PDZRN4: variants seen among roughly 807,000 people sequenced by gnomAD.
The protein encoded by PDZRN4 is PDZ domain-containing RING finger protein 4.
Under a neutral mutation model 99.0 loss-of-function variants are expected in PDZRN4, and 70 were observed. The observed-to-expected ratio is 0.71, with a 90% CI of 0.58 to 0.86. PDZRN4 has a LOEUF of 0.86. Among genes scored for constraint, PDZRN4 ranks in the 40% least tolerant of loss-of-function variants. PDZRN4 has a pLI of 0.00. For synonymous variants in PDZRN4, 551 were observed against 501.6 expected, an observed-to-expected ratio of 1.10 and a Z score of -1.32; for missense variants, 1,474 against 1,331.2, an observed-to-expected ratio of 1.11 and a Z score of -1.67.
rs566878300 is a variant in PDZRN4, at chr12:41,426,495, G to A, written c.844-79961G>A. ...AATGAAGTGGGTCCTCATGGGAAGA[G>A]TATATCTTATTGAAAAAGGCATGAT... On this transcript the variant is annotated intron_variant, in intron 3 of 9. Transcript: ENST00000402685. Among the ~76,000 whole-genome samples, 63 of 152,262 alleles carry A rather than the reference G, an allele frequency of 4.1e-4. No homozygotes were observed. In the South Asian group the frequency reaches 0.012, roughly 29 times the overall value.
At chr12:41,306,356 C>G (rs541979535) in intron 3 of PDZRN4, among the ~76,000 whole-genome samples, 1 of 152,270 alleles carries the variant, frequency 6.6e-6, no homozygotes, top group African/African-American at 2.4e-5. Context: ...CTCTGAATTG[C>G]CTTTGGGGCC....
At chr12:41,541,063 T>C (rs1476404921) in intron 5 of PDZRN4, among the ~76,000 whole-genome samples, 2 of 152,074 alleles carry the variant, frequency 1.3e-5, no homozygotes, top group Admixed American at 6.5e-5. Context: ...TAGCTGGGAC[T>C]ACAGGCACCC....
At chr12:41,215,222 T>G (rs1488331741) in intron 3 of PDZRN4, among the ~76,000 whole-genome samples, 1 of 152,052 alleles carries the variant, frequency 6.6e-6, no homozygotes, top group African/African-American at 2.4e-5. Context: ...AAGGAATGGC[T>G]TAGAAAAATG....
chr12:41,477,259 T>G (rs887657784), intron 3 of PDZRN4, among the ~76,000 whole-genome samples: 2 of 152,336 alleles, frequency 1.3e-5, no homozygotes, highest in South Asian at 2.1e-4. Flanking sequence ...GCATCCTACA[T>G]CAGGCTGCCT....
At chr12:41,429,446 C>T (rs1952566854) in intron 3 of PDZRN4, among the ~76,000 whole-genome samples, 1 of 152,164 alleles carries the variant, frequency 6.6e-6, no homozygotes, top group African/African-American at 2.4e-5. Flanking sequence ...AACAGGGAAC[C>T]TGGAAGTTAA....
rs747032782 is a variant in PDZRN4, at chr12:41,325,768, A to AT, written c.843+131584dup. On this transcript the variant is annotated intron_variant, in intron 3 of 9. Transcript: ENST00000402685. ...GTCAGAGTGATTAAAAAACACATTTATTTTAGCAAACAAGCATTATTCCCA... is the reference window on the plus strand; with the variant it reads ...GTCAGAGTGATTAAAAAACACATTTATTTTTAGCAAACAAGCATTATTCCCA... 2.8e-4 allele frequency among the ~76,000 whole-genome samples: 42 copies of AT among 152,272 alleles called. No individual in the cohort carries two copies. In the Middle Eastern group the frequency reaches 0.01, roughly 37 times the overall value.
At chr12:41,503,695 C>CA (rs1938150841) in intron 3 of PDZRN4, among the ~76,000 whole-genome samples, 1 of 152,092 alleles carries the variant, frequency 6.6e-6, no homozygotes, top group South Asian at 2.1e-4. Context: ...ACTAGATTAA[C>CA]ATGTAAGGCT....
intron 3 of PDZRN4, among the ~76,000 whole-genome samples, chr12:41,344,133 A>T (rs1951836592): frequency 1.3e-5 from 2 of 152,104 alleles, no homozygotes; most frequent in Non-Finnish European, 2.9e-5. Context: ...AAATAAGTTG[A>T]TTATATCATT....
chr12:41,348,856 T>G (rs1951872692), intron 3 of PDZRN4, among the ~76,000 whole-genome samples: 1 of 152,052 alleles, frequency 6.6e-6, no homozygotes, highest in Non-Finnish European at 1.5e-5. Context: ...TTTCTATTTG[T>G]CAAGTTTTGG....
intron 3 of PDZRN4, among the ~76,000 whole-genome samples, chr12:41,202,007 T>G (rs1950819540): frequency 1.3e-5 from 2 of 152,176 alleles, no homozygotes; most frequent in Admixed American, 6.6e-5. Context: ...AGAATTTACA[T>G]GCTTGCCTGC....
At chr12:41,251,716 C>T (rs1327619806) in intron 3 of PDZRN4, among the ~76,000 whole-genome samples, 1 of 152,142 alleles carries the variant, frequency 6.6e-6, no homozygotes, top group Non-Finnish European at 1.5e-5. Flanking sequence ...ATCTCATTCC[C>T]CTCTTACCTG....
chr12:41,197,920 G>GTTTTTTTTTTTTTTTTTTTTTTTTTTT (rs533696414), intron 3 of PDZRN4, among the ~76,000 whole-genome samples: 9 of 115,610 alleles, frequency 7.8e-5, no homozygotes, highest in Non-Finnish European at 1.2e-4. Flanking sequence ...TTTTTTCTGG[G>GTTTTTTTTTTTTTTTTTTTTTTTTTTT]TTTTTTTTTT....
At chr12:41,197,119 T>G (rs1950778475) in intron 3 of PDZRN4, among the ~76,000 whole-genome samples, 2 of 152,118 alleles carry the variant, frequency 1.3e-5, no homozygotes, top group African/African-American at 2.4e-5. Flanking sequence ...CAAAAATATT[T>G]TCTGTAGCTA....
chr12:41,555,773 G>A lies in PDZRN4; in HGVS notation c.1365+13G>A, dbSNP rs1939149484. The A allele has an allele frequency of 6.2e-7, 1 of 1,606,722 alleles. No homozygotes were observed. The highest frequency in any genetic ancestry group is 8.5e-7 in the Non-Finnish European group (1 of 1,173,420). ...TCGGATTTTGCAAGTAGGTGGTATA[G>A]TAATTTCCTTTAGTTCCCCACGATC... is the stretch of plus-strand genomic sequence containing the variant. On this transcript the variant is annotated intron_variant, in intron 7 of 9. Transcript: ENST00000402685.
intron 7 of PDZRN4, among the ~76,000 whole-genome samples, chr12:41,558,614 T>G (rs1939210925): frequency 6.6e-6 from 1 of 152,174 alleles, no homozygotes; most frequent in Admixed American, 6.5e-5. Context: ...TGTGGGCAGG[T>G]AAGTTTTTAG....
chr12:41,446,349 T>C (rs760867151), intron 3 of PDZRN4, among the ~76,000 whole-genome samples: 24 of 152,008 alleles, frequency 1.6e-4, no homozygotes, highest in Non-Finnish European at 2.8e-4. Context: ...CTTAAGGGTC[T>C]GTTTCAGATA....
chr12:41,567,606 T>TTTC (rs1939397676), intron 8 of PDZRN4, among the ~76,000 whole-genome samples, 177 bp from the exon 9 acceptor site: 1 of 62,794 alleles, frequency 1.6e-5, no homozygotes, highest in Non-Finnish European at 3.6e-5. Flanking sequence ...TAAGAGTCCT[T>TTTC]TTTTTTTTTT....
intron 5 of PDZRN4, among the ~76,000 whole-genome samples, chr12:41,536,510 A>G (rs113402537): frequency 0.017 from 2,527 of 152,290 alleles, 71 homozygotes; most frequent in African/African-American, 0.058. Flanking sequence ...GATACATGCC[A>G]TTATACATTT....
At chr12:41,253,883 G>C (rs1951187132) in intron 3 of PDZRN4, among the ~76,000 whole-genome samples, 1 of 152,088 alleles carries the variant, frequency 6.6e-6, no homozygotes, top group South Asian at 2.1e-4. Context: ...AAGCCAAGCA[G>C]AGAAAGACAA....
Sources: allele counts gnomAD v4.1 joint callset (sites outside exome capture counted in the v4.1 genomes callset), GRCh38; gene constraint gnomAD v4.1.1; transcripts MANE v1.5; gene names NCBI Gene and HGNC (gene_info 2026-07-23, HGNC 2026-07-21).